The following SPINK6 variants were observed in gnomAD, a reference collection of about 807,000 sequenced individuals.
The protein encoded by SPINK6 is serine peptidase inhibitor Kazal type 6.
Under a neutral mutation model 11.7 loss-of-function variants are expected in SPINK6, and 13 were observed. That is an observed-to-expected ratio of 1.11 (90% CI 0.72 to 1.76). The LOEUF is 1.76. Ranked by LOEUF, SPINK6 falls within the 40% of genes most tolerant of loss-of-function variation. The pLI is 0.00. For missense variants in SPINK6, 98 were observed against 93.7 expected (o/e 1.05, Z -0.19); for synonymous variants, 21 against 31.9 (o/e 0.66, Z 1.15).
chr5:148,202,815 G>A (rs146003672), upstream of SPINK6: 7 of 315,954 alleles, frequency 2.2e-5, no homozygotes, highest in Non-Finnish European at 3.4e-5. Context: ...TTAGAAAGAA[G>A]AGCCGGGAGG....
intron 2 of SPINK6, among the ~76,000 whole-genome samples, chr5:148,212,922 T>C (rs1405089676): frequency 6.8e-6 from 1 of 146,130 alleles, no homozygotes; most frequent in Non-Finnish European, 1.5e-5. Context: ...AGAGTATATA[T>C]GTACTTTAGA....
chr5:148,212,641 A>G lies in SPINK6; in HGVS notation c.82-1269A>G, dbSNP rs867021642. On this transcript the variant is annotated intron_variant, in intron 2 of 3. Transcript: ENST00000325630. ...ATATTATATATTATATATTATATAT[A>G]ATATAAATATATATATTTATATATT... Among the ~76,000 whole-genome samples the G allele has an allele frequency of 8.9e-5, 9 of 100,908 alleles. No individual in the cohort carries two copies. In the South Asian group the frequency reaches 2.0e-3, roughly 23 times the overall value. The allele number at this position is 100,908 out of a possible 152,430, so 66.2% of individuals were successfully genotyped here. A position where few individuals can be genotyped will look rare whatever the true frequency, so the allele number is the denominator to read the frequency against.
At chr5:148,208,840 C>A (rs1755532633) in intron 2 of SPINK6, among the ~76,000 whole-genome samples, 1 of 152,130 alleles carries the variant, frequency 6.6e-6, no homozygotes, top group South Asian at 2.1e-4. Flanking sequence ...TGACTGAATA[C>A]ATTTTGCTTT....
upstream of SPINK6, chr5:148,202,974 T>C (rs1163177469): frequency 1.4e-5 from 9 of 620,850 alleles, no homozygotes; most frequent in Non-Finnish European, 2.2e-5. Context: ...CAGGCCCCAT[T>C]AAATGCATAA....
Position 148,215,003 on chromosome 5 carries a change from C to T in SPINK6, c.*53C>T. On this transcript the variant is annotated 3_prime_UTR_variant, in exon 4 of 4. Coordinates refer to ENST00000325630, the MANE Select transcript of SPINK6 (RefSeq NM_205841.4). Reference sequence around the variant, plus strand: ...GCCAGCTTTTGCAGCCTTCTTTTCTCACTTCTGCTTATACTTTTGCTGGTG... The same window carrying T: ...GCCAGCTTTTGCAGCCTTCTTTTCTTACTTCTGCTTATACTTTTGCTGGTG... The T allele has an allele frequency of 1.3e-6, 2 of 1,555,876 alleles. No individual in the cohort carries two copies. The highest frequency in any genetic ancestry group is 8.9e-7 in the Non-Finnish European group (1 of 1,127,788).
chr5:148,209,980 G>A (rs558615386), intron 2 of SPINK6, among the ~76,000 whole-genome samples: 6 of 140,960 alleles, frequency 4.3e-5, no homozygotes, highest in African/African-American at 1.7e-4. Flanking sequence ...ACGTACGTAT[G>A]TATGTATACA....
intron 2 of SPINK6, among the ~76,000 whole-genome samples, chr5:148,210,037 C>T (rs566547832): frequency 0.05 from 1,316 of 26,098 alleles, 42 homozygotes; most frequent in African/African-American, 0.075. Flanking sequence ...CATGCACAAA[C>T]GTATGTATGC....
chr5:148,206,082 C>G, intron 2 of SPINK6, 24 bp downstream of exon 2: 2 of 1,613,794 alleles, frequency 1.2e-6, no homozygotes, highest in South Asian at 2.2e-5. Flanking sequence ...TTTATCTCTG[C>G]TTTCTGCCTG....
rs10037612 is a variant in SPINK6, at chr5:148,212,599, A to T, written c.82-1311A>T. On this transcript the variant is annotated intron_variant, in intron 2 of 3. Transcript: ENST00000325630. ...ATATTATATAAATATATTTTATATAATATATAATATATATTTATATTATAT... is the reference window on the plus strand; with the variant it reads ...ATATTATATAAATATATTTTATATATTATATAATATATATTTATATTATAT... 8.5e-4 allele frequency among the ~76,000 whole-genome samples: 88 copies of T among 103,710 alleles called. 1 individual carries two copies. The highest frequency in any genetic ancestry group is 3.5e-3 in the African/African-American group (87 of 24,824). 68.0% of individuals were successfully genotyped at this position (103,710 alleles called of 152,430 possible).
chr5:148,206,092 G>C (rs376039800), intron 2 of SPINK6, 34 bp downstream of exon 2: 6 of 1,613,532 alleles, frequency 3.7e-6, no homozygotes, highest in Non-Finnish European at 5.1e-6. Context: ...CTTTCTGCCT[G>C]GGTGGTGCTT....
At chr5:148,203,192 C>A in intron 1 of SPINK6, 38 bp downstream of exon 1, 1 of 1,473,544 alleles carries the variant, frequency 6.8e-7, no homozygotes. Context: ...CATATTTATA[C>A]TGAACTGGAT....
chr5:148,209,270 A>T (rs559163100), intron 2 of SPINK6, among the ~76,000 whole-genome samples: 1 of 152,214 alleles, frequency 6.6e-6, no homozygotes, highest in African/African-American at 2.4e-5. Context: ...GCTGACTTAC[A>T]TCTACCAACA....
chr5:148,213,321 C>T (rs1235566283), intron 2 of SPINK6, among the ~76,000 whole-genome samples: 1 of 152,068 alleles, frequency 6.6e-6, no homozygotes. Context: ...ATGCCATTCT[C>T]CTGCCTCAGC....
At chr5:148,213,807 C>A in intron 2 of SPINK6, 103 bp from the exon 3 acceptor site, 1 of 636,118 alleles carries the variant, frequency 1.6e-6, no homozygotes, top group Non-Finnish European at 2.9e-6. Context: ...TATGTCACAA[C>A]TATTTATATA....
Position 148,212,605 on chromosome 5 carries a change from AATATATATTTATAT to A in SPINK6, c.82-1304_82-1291del, listed in dbSNP as rs1431898479. ...TATAAATATATTTTATATAATATAT[AATATATATTTATAT>A]TATATATTATATATTATATATAATA... On this transcript the variant is annotated intron_variant, in intron 2 of 3. Transcript: ENST00000325630. 2.8e-5 allele frequency among the ~76,000 whole-genome samples: 3 copies of A among 105,344 alleles called. No homozygotes were observed. In the Admixed American group the frequency reaches 4.1e-4, roughly 14 times the overall value. 69.1% of individuals were successfully genotyped at this position (105,344 alleles called of 152,430 possible).
At chr5:148,214,506 T>C (rs1053186176) in intron 3 of SPINK6, among the ~76,000 whole-genome samples, 28 of 152,220 alleles carry the variant, frequency 1.8e-4, no homozygotes. Context: ...CTGAGAGGGC[T>C]TGAATGTGTC....
intron 2 of SPINK6, among the ~76,000 whole-genome samples, chr5:148,208,490 A>G (rs569356115): frequency 6.6e-6 from 1 of 152,288 alleles, no homozygotes; most frequent in South Asian, 2.1e-4. Context: ...CATGCCAAGA[A>G]TTCTCTACAT....
intron 1 of SPINK6, 138 bp downstream of exon 1, chr5:148,203,292 TTGTGA>T: frequency 1.5e-6 from 1 of 645,930 alleles, no homozygotes; most frequent in Non-Finnish European, 2.6e-6. Flanking sequence ...ATGATAATGA[TTGTGA>T]TGACGACAAT....
In SPINK6 at chr5:148,215,067, G is replaced by T; in HGVS notation, c.*117G>T. 1 of 909,554 alleles carries T rather than the reference G, an allele frequency of 1.1e-6. No homozygotes were observed. Among genetic ancestry groups the T allele is most frequent in the South Asian group, 1.5e-5 (1 of 65,266 alleles). The allele number at this position is 909,554 out of a possible 1,614,324, so 56.3% of individuals were successfully genotyped here. A position where few individuals can be genotyped will look rare whatever the true frequency, so the allele number is the denominator to read the frequency against. On this transcript the variant is annotated 3_prime_UTR_variant, in exon 4 of 4. Transcript: ENST00000325630. ...CATAAAGACATACCTACTCTGCCTG[G>T]GTCTTGAGGAGTTCAATGTATGTCT...
Sources: allele counts gnomAD v4.1 joint callset (sites outside exome capture counted in the v4.1 genomes callset), GRCh38; gene constraint gnomAD v4.1.1; transcripts MANE v1.5; gene names NCBI Gene and HGNC (gene_info 2026-07-23, HGNC 2026-07-21).